Variants in PDE1A observed in about 807,000 individuals in gnomAD.
The protein encoded by PDE1A is phosphodiesterase 1A.
Under a neutral mutation model 61.7 loss-of-function variants are expected in PDE1A, and 35 were observed. The ratio of observed to expected loss-of-function variants is 0.57; its 90% CI spans 0.43 to 0.75. The LOEUF (loss-of-function observed/expected upper bound fraction) is 0.75. PDE1A is among the 30% of genes least tolerant of loss of function. PDE1A has a pLI of 0.00. For synonymous variants in PDE1A, 232 were observed against 213.2 expected, an observed-to-expected ratio of 1.09 and a Z score of -0.77; for missense variants, 597 against 630.6, an observed-to-expected ratio of 0.95 and a Z score of 0.57.
chr2:182,474,010 G>A (rs1256302172), intron 2 of PDE1A, among the ~76,000 whole-genome samples: 1 of 152,038 alleles, frequency 6.6e-6, no homozygotes, highest in East Asian at 1.9e-4. Flanking sequence ...ACCCAGTAAT[G>A]GGGTTGCTGT....
chr2:182,349,674 C>A (rs562858330), intron 1 of PDE1A, among the ~76,000 whole-genome samples: 3 of 152,090 alleles, frequency 2.0e-5, no homozygotes, highest in Non-Finnish European at 4.4e-5. Flanking sequence ...GCAGGAGAAT[C>A]GCTTGAATCC....
Position 182,287,475 on chromosome 2 carries a change from G to A in PDE1A, c.54-23061C>T, listed in dbSNP as rs548708026. On this transcript the variant is annotated intron_variant, in intron 1 of 13. Transcript: ENST00000351439. ...ACTCCACATGCAGACAGAGATCCTT[G>A]AGTGTTTTATTCCCCACTGAACTCT... 2.6e-5 allele frequency among the ~76,000 whole-genome samples: 4 copies of A among 152,140 alleles called. No individual in the cohort carries two copies. In the South Asian group the frequency reaches 6.2e-4, roughly 24 times the overall value.
chr2:182,476,875 T>A (rs1433351308), intron 2 of PDE1A, among the ~76,000 whole-genome samples: 2 of 148,890 alleles, frequency 1.3e-5, no homozygotes, highest in African/African-American at 4.9e-5. Context: ...TTCAATTTTT[T>A]ACATGGCTAA....
chr2:182,503,053 A>G (rs977803195), intron 2 of PDE1A, among the ~76,000 whole-genome samples: 4 of 58,780 alleles, frequency 6.8e-5, no homozygotes, highest in Admixed American at 5.7e-4. Flanking sequence ...ACACACACAC[A>G]CACACACACA....
chr2:182,280,752 A>G (rs1481310740), intron 1 of PDE1A, among the ~76,000 whole-genome samples: 2 of 151,380 alleles, frequency 1.3e-5, no homozygotes, highest in African/African-American at 2.4e-5. Context: ...TTTATTTTCA[A>G]TTTTAGGGGG....
intron 1 of PDE1A, among the ~76,000 whole-genome samples, chr2:182,391,669 A>G (rs1701428726): frequency 6.6e-6 from 1 of 152,182 alleles, no homozygotes; most frequent in Admixed American, 6.5e-5. Flanking sequence ...AATGGGAATA[A>G]TTGGATCCTG....
the PDE1A span, among the ~76,000 whole-genome samples, chr2:182,557,913 A>G: frequency 2.0e-4 from 30 of 152,280 alleles, no homozygotes; most frequent in Admixed American, 3.3e-4. Flanking sequence ...TATAGCAATC[A>G]TAAGTTTTCT....
upstream of PDE1A, among the ~76,000 whole-genome samples, chr2:182,429,357 T>C (rs1010226525): frequency 6.6e-6 from 1 of 152,098 alleles, no homozygotes; most frequent in Non-Finnish European, 1.5e-5. Flanking sequence ...ATATATTCCT[T>C]ACATTAACAC....
intron 1 of PDE1A, among the ~76,000 whole-genome samples, chr2:182,373,934 G>C (rs1311183771): frequency 2.6e-5 from 4 of 151,994 alleles, no homozygotes; most frequent in East Asian, 3.8e-4. Flanking sequence ...GTTGTAAAGG[G>C]ACTAAAAAGA....
intron 11 of PDE1A, among the ~76,000 whole-genome samples, chr2:182,187,541 G>A (rs1210129507): frequency 6.6e-6 from 1 of 152,028 alleles, no homozygotes; most frequent in African/African-American, 2.4e-5. Flanking sequence ...CTGTAAATAT[G>A]CACATTTAAA....
chr2:182,606,745 C>T, the PDE1A span, among the ~76,000 whole-genome samples: 85,115 of 151,966 alleles, frequency 0.56, 24,192 homozygotes, highest in Admixed American at 0.67. Context: ...CTTGCATTTC[C>T]AAATAGAGTG....
intron 2 of PDE1A, chr2:182,522,265 A>G (rs766901984): frequency 1.9e-6 from 3 of 1,606,502 alleles, no homozygotes; most frequent in Non-Finnish European, 2.6e-6. Context: ...AAAAGCAAAG[A>G]GCATACTCAC....
intron 2 of PDE1A, among the ~76,000 whole-genome samples, chr2:182,505,916 A>G (rs1689382012): frequency 1.3e-5 from 2 of 152,254 alleles, no homozygotes; most frequent in African/African-American, 4.8e-5. Context: ...AACTCAAGAT[A>G]TTGAAGCAGA....
intron 2 of PDE1A, among the ~76,000 whole-genome samples, chr2:182,462,192 T>A (rs1277767930): frequency 2.6e-5 from 4 of 151,946 alleles, no homozygotes; most frequent in African/African-American, 7.2e-5. Context: ...CATTAGGAGA[T>A]ATACCTAATG....
chr2:182,181,602 C>T (rs994071450), intron 13 of PDE1A, among the ~76,000 whole-genome samples: 7 of 152,176 alleles, frequency 4.6e-5, no homozygotes. Context: ...GAGAGTCCCC[C>T]TTGTTAGGGT....
At chr2:182,332,722 G>A (rs545635993) in intron 1 of PDE1A, among the ~76,000 whole-genome samples, 33 of 152,150 alleles carry the variant, frequency 2.2e-4, no homozygotes, top group Non-Finnish European at 4.4e-4. Context: ...TGGAAGCTTC[G>A]TCCCAGAGGG....
At chr2:182,446,896 A>ATCATCACC (rs1685172825) in intron 2 of PDE1A, among the ~76,000 whole-genome samples, 1 of 151,942 alleles carries the variant, frequency 6.6e-6, no homozygotes, top group Non-Finnish European at 1.5e-5. Context: ...AGGGAAAATA[A>ATCATCACC]TCATCACCAC....
chr2:182,445,821 A>T (rs1023016078), intron 2 of PDE1A, among the ~76,000 whole-genome samples: 3 of 152,100 alleles, frequency 2.0e-5, no homozygotes, highest in African/African-American at 7.2e-5. Flanking sequence ...ATAAAACCGC[A>T]CATGCTTCCT....
chr2:182,151,558 A>G (rs999177345), intron 13 of PDE1A, among the ~76,000 whole-genome samples: 2 of 152,206 alleles, frequency 1.3e-5, no homozygotes, highest in African/African-American at 2.4e-5. Context: ...ACTGTTTCCC[A>G]AGCTACAATC....
Sources: allele counts gnomAD v4.1 joint callset (sites outside exome capture counted in the v4.1 genomes callset), GRCh38; gene constraint gnomAD v4.1.1; transcripts MANE v1.5; gene names NCBI Gene and HGNC (gene_info 2026-07-23, HGNC 2026-07-21).